CBL: variants seen among roughly 807,000 people sequenced by gnomAD.
CBL encodes E3 ubiquitin-protein ligase CBL.
CBL carries 45 observed loss-of-function variants against 96.9 expected under a neutral mutation model. That is an observed-to-expected ratio of 0.46 (90% CI 0.37 to 0.60). The LOEUF (loss-of-function observed/expected upper bound fraction) is 0.60. Ranked by LOEUF, CBL falls within the 20% of genes least tolerant of loss-of-function variation. The pLI is 0.00. For synonymous variants in CBL, 420 were observed against 426.8 expected (o/e 0.98, Z 0.20); for missense variants, 1,024 against 1,143.5 (o/e 0.90, Z 1.51).
Position 119,305,597 on chromosome 11 carries a change from G to A in CBL, c.*5816G>A. ...GCACCTCAGAAACTACTTTGCCAGA[G>A]CCAGTAAGAATATATAATATTGGAG... On this transcript the variant is annotated 3_prime_UTR_variant, in exon 16 of 16. Coordinates refer to ENST00000264033, the MANE Select transcript of CBL (RefSeq NM_005188.4). The A allele has an allele frequency of 4.4e-6, 1 of 226,240 alleles. No individual in the cohort carries two copies. The allele number at this position is 226,240 out of a possible 1,614,324, so 14.0% of individuals were successfully genotyped here.
intron 5 of CBL, among the ~76,000 whole-genome samples, chr11:119,275,258 G>T (rs1949879955): frequency 6.6e-6 from 1 of 152,038 alleles, no homozygotes; most frequent in African/African-American, 2.4e-5. Flanking sequence ...GGCCAAAGTG[G>T]TAAAACCCTG....
At chr11:119,225,724 C>CTTTTTTTTTTTTTTTT (rs57084908) in intron 1 of CBL, among the ~76,000 whole-genome samples, 1 of 102,456 alleles carries the variant, frequency 9.8e-6, no homozygotes, top group Non-Finnish European at 1.8e-5. Flanking sequence ...TAAATATTTT[C>CTTTTTTTTTTTTTTTT]TTTTTTTTTT....
At chr11:119,287,581 G>A (rs1465651248) in intron 11 of CBL, among the ~76,000 whole-genome samples, 3 of 152,194 alleles carry the variant, frequency 2.0e-5, no homozygotes, top group Non-Finnish European at 4.4e-5. Context: ...TGGTATTTGT[G>A]TAGATAGCCA....
At chr11:119,270,313 C>A (rs1310701206) in intron 2 of CBL, among the ~76,000 whole-genome samples, 1 of 142,300 alleles carries the variant, frequency 7.0e-6, no homozygotes, top group African/African-American at 2.6e-5. Flanking sequence ...GACACAAACT[C>A]AGCTCACTGC....
At chr11:119,273,512 C>G (rs1949864031) in intron 3 of CBL, among the ~76,000 whole-genome samples, 1 of 152,192 alleles carries the variant, frequency 6.6e-6, no homozygotes. Context: ...CCTCTGCCTC[C>G]AAAGTTCAAG....
rs1950134079 is a variant in CBL, at chr11:119,305,792, A to T, written c.*6011A>T. On this transcript the variant is annotated 3_prime_UTR_variant, in exon 16 of 16. Transcript: ENST00000264033. Reference sequence around the variant, plus strand: ...TAAAACTATGCTTTTGCTTGCCTAAATCTTTTGATCTTATATTTCTCTCAT... The same window carrying T: ...TAAAACTATGCTTTTGCTTGCCTAATTCTTTTGATCTTATATTTCTCTCAT... The T allele has an allele frequency of 4.4e-6, 1 of 229,100 alleles. No homozygotes were observed. Among genetic ancestry groups the T allele is most frequent in the South Asian group, 1.8e-4 (1 of 5,474 alleles). The allele number at this position is 229,100 out of a possible 1,614,324, so 14.2% of individuals were successfully genotyped here.
intron 2 of CBL, among the ~76,000 whole-genome samples, chr11:119,252,211 A>G (rs1003014021): frequency 6.6e-6 from 1 of 151,690 alleles, no homozygotes; most frequent in African/African-American, 2.4e-5. Flanking sequence ...CTCCATTTAC[A>G]TGCAGAACAC....
intron 2 of CBL, among the ~76,000 whole-genome samples, chr11:119,262,686 C>T (rs928797205): frequency 6.6e-6 from 1 of 152,132 alleles, no homozygotes; most frequent in African/African-American, 2.4e-5. Flanking sequence ...CCTGCCTCTG[C>T]CCTTAAGGAG....
chr11:119,211,397 T>A (rs1949317990), intron 1 of CBL, among the ~76,000 whole-genome samples: 1 of 152,094 alleles, frequency 6.6e-6, no homozygotes, highest in Non-Finnish European at 1.5e-5. Context: ...AAAATCTTAT[T>A]GTATGGTACT....
intron 2 of CBL, among the ~76,000 whole-genome samples, chr11:119,264,620 T>C (rs540043816): frequency 6.6e-6 from 1 of 152,078 alleles, no homozygotes; most frequent in Admixed American, 6.6e-5. Context: ...TAGCTGAGAC[T>C]AGAGGTCCAT....
rs886047773 is a variant in CBL at position 119,300,063 on chromosome 11, C to G, written c.*282C>G. 84 of 573,078 alleles carry G rather than the reference C, an allele frequency of 1.5e-4. No individual in the cohort carries two copies. Among genetic ancestry groups the G allele is most frequent in the South Asian group, 7.8e-4 (38 of 48,916 alleles). The allele number at this position is 573,078 out of a possible 1,614,324, so 35.5% of individuals were successfully genotyped here. A position where few individuals can be genotyped will look rare whatever the true frequency, so the allele number is the denominator to read the frequency against. On this transcript the variant is annotated 3_prime_UTR_variant, in exon 16 of 16. Coordinates refer to ENST00000264033, the MANE Select transcript of CBL (RefSeq NM_005188.4). ...ATTACATGATAACCTACCTGGGGAA[C>G]AGTCCAGAAAGCTATAGAACAAGTA... is the stretch of plus-strand genomic sequence containing the variant.
chr11:119,289,067 A>G lies in CBL; in HGVS notation c.2036+1121A>G, dbSNP rs114421215. Among the ~76,000 whole-genome samples the G allele has an allele frequency of 7.5e-3, 1,143 of 152,244 alleles. 11 individuals are homozygous for G. The highest frequency in any genetic ancestry group is 0.022 in the African/African-American group (907 of 41,528). On this transcript the variant is annotated intron_variant, in intron 12 of 15. Coordinates refer to ENST00000264033, the MANE Select transcript of CBL (RefSeq NM_005188.4). ...TTCTGTTACTGCTGGCTTTATTCCA[A>G]TGTGGTCAGAAACCATACTGTCAGC...
chr11:119,238,549 G>C (rs1185935765), intron 2 of CBL, among the ~76,000 whole-genome samples: 1 of 152,106 alleles, frequency 6.6e-6, no homozygotes, highest in East Asian at 1.9e-4. Context: ...AGCAGCAGGG[G>C]CTGGGTGTGG....
rs759977063 is a variant in CBL at position 119,206,371 on chromosome 11, T to TCGAGC, written c.-39_-35dup. On this transcript the variant is annotated 5_prime_UTR_variant, in exon 1 of 16. Transcript: ENST00000264033. ...CCCTGCTTCTCTCCCTCGCTCGCAG[T>TCGAGC]CGAGCCGAGCCGGCGGACCCGCCTG... 1,573 of 1,412,592 alleles carry TCGAGC rather than the reference T, an allele frequency of 1.1e-3. 4 individuals carry two copies. Among genetic ancestry groups the TCGAGC allele is most frequent in the Non-Finnish European group, 8.0e-4 (859 of 1,069,732 alleles). The allele number at this position is 1,412,592 out of a possible 1,614,324, so 87.5% of individuals were successfully genotyped here.
chr11:119,211,817 C>T (rs1949321359), intron 1 of CBL, among the ~76,000 whole-genome samples: 1 of 151,948 alleles, frequency 6.6e-6, no homozygotes, highest in Admixed American at 6.6e-5. Flanking sequence ...GTTGTTACGA[C>T]TCTTTAAAAA....
chr11:119,303,844 C>T lies in CBL; in HGVS notation c.*4063C>T, dbSNP rs1950117218. The T allele has an allele frequency of 4.3e-6, 1 of 233,620 alleles. No homozygotes were observed. Among genetic ancestry groups the T allele is most frequent in the African/African-American group, 2.2e-5 (1 of 45,338 alleles). 14.5% of individuals were successfully genotyped at this position (233,620 alleles called of 1,614,324 possible). ...ATCTAGTGCCTTCCTTGAACTTTTT[C>T]CTGAGCTGCTACGTCCCTAATCCCC... On this transcript the variant is annotated 3_prime_UTR_variant, in exon 16 of 16. Transcript: ENST00000264033.
At chr11:119,230,560 C>G (rs142193240) in intron 1 of CBL, among the ~76,000 whole-genome samples, 4 of 152,170 alleles carry the variant, frequency 2.6e-5, no homozygotes, top group Admixed American at 2.6e-4. Flanking sequence ...ACTTAGAAGA[C>G]ATAGAATTGT....
chr11:119,224,042 G>C (rs1191413725), intron 1 of CBL, among the ~76,000 whole-genome samples: 1 of 152,172 alleles, frequency 6.6e-6, no homozygotes. Context: ...GTGCAGTGCT[G>C]ATTTCCCTGG....
chr11:119,219,239 T>C (rs544530715), intron 1 of CBL, among the ~76,000 whole-genome samples: 1 of 151,650 alleles, frequency 6.6e-6, no homozygotes, highest in South Asian at 2.1e-4. Context: ...ATTAGCCAGG[T>C]ATGGAGGCGG....
Sources: gnomAD v4.1 joint callset for allele counts (sites outside exome capture counted in the v4.1 genomes callset) on GRCh38, gnomAD v4.1.1 for gene constraint, MANE v1.5 for transcripts, NCBI Gene and HGNC (gene_info 2026-07-23, HGNC 2026-07-21) for gene names.